Variants in NAA11 observed in about 807,000 individuals in gnomAD.
NAA11 encodes N-alpha-acetyltransferase 11.
In NAA11, 15 loss-of-function variants were observed where a neutral mutation model predicts 16.1. The observed-to-expected ratio is 0.93, with a 90% CI of 0.62 to 1.44. The LOEUF is 1.44. Ranked by LOEUF, NAA11 falls within the 40% of genes most tolerant of loss-of-function variation. NAA11 has a pLI of 0.00. For missense variants in NAA11, 298 were observed against 291.3 expected, an observed-to-expected ratio of 1.02 and a Z score of -0.17; for synonymous variants, 122 against 112.4, an observed-to-expected ratio of 1.09 and a Z score of -0.54.
the NAA11 span, among the ~76,000 whole-genome samples, chr4:79,203,323 C>A: frequency 6.6e-6 from 1 of 151,742 alleles, no homozygotes; most frequent in Admixed American, 6.6e-5. Context: ...CTTGCACCTG[C>A]ATGCACACAT....
intron 2 of NAA11, among the ~76,000 whole-genome samples, chr4:79,239,126 G>T (rs1019345342): frequency 1.3e-5 from 2 of 152,178 alleles, no homozygotes; most frequent in Non-Finnish European, 2.9e-5. Flanking sequence ...TCCATTGAGC[G>T]AGTTGGCAAG....
chr4:79,259,721 C>T (rs2109973310), intron 2 of NAA11, among the ~76,000 whole-genome samples: 1 of 152,348 alleles, frequency 6.6e-6, no homozygotes, highest in Non-Finnish European at 1.5e-5. Context: ...CTTATAATGA[C>T]TTTCTGTAAA....
intron 2 of NAA11, among the ~76,000 whole-genome samples, chr4:79,235,565 T>C (rs1721553317): frequency 6.6e-6 from 1 of 152,202 alleles, no homozygotes; most frequent in African/African-American, 2.4e-5. Flanking sequence ...GAAAGAATGA[T>C]GCTTTCCTGT....
the NAA11 span, among the ~76,000 whole-genome samples, chr4:79,173,976 G>A: frequency 2.0e-5 from 3 of 152,194 alleles, no homozygotes; most frequent in East Asian, 5.8e-4. Context: ...AACAATTAGA[G>A]GAGGAAGGAA....
the NAA11 span, among the ~76,000 whole-genome samples, chr4:79,187,360 C>A: frequency 6.6e-6 from 1 of 152,086 alleles, no homozygotes; most frequent in Admixed American, 6.5e-5. Flanking sequence ...GGGCTGGAGT[C>A]ATTTATTTAA....
the NAA11 span, among the ~76,000 whole-genome samples, chr4:79,217,225 G>C: frequency 1.3e-5 from 2 of 152,156 alleles, no homozygotes; most frequent in Non-Finnish European, 1.5e-5. Context: ...AGATCAACTT[G>C]TCTGTGTTCT....
the NAA11 span, among the ~76,000 whole-genome samples, chr4:79,183,202 GATGA>G: frequency 1.3e-5 from 2 of 152,058 alleles, no homozygotes; most frequent in Admixed American, 1.3e-4. Flanking sequence ...AGGTTACTAG[GATGA>G]ATAATATAAC....
chr4:79,204,995 G>T, the NAA11 span, among the ~76,000 whole-genome samples: 3 of 148,146 alleles, frequency 2.0e-5, no homozygotes, highest in African/African-American at 4.9e-5. Flanking sequence ...TGTATATAAA[G>T]AAATTGCATA....
At chr4:79,242,101 A>G (rs576239926) in intron 2 of NAA11, among the ~76,000 whole-genome samples, 1 of 152,300 alleles carries the variant, frequency 6.6e-6, no homozygotes, top group Non-Finnish European at 1.5e-5. Context: ...GGCATCTAGT[A>G]GTACTCATCC....
the NAA11 span, among the ~76,000 whole-genome samples, chr4:79,220,427 G>A: frequency 7.1e-5 from 10 of 141,078 alleles, no homozygotes; most frequent in African/African-American, 1.2e-4. Flanking sequence ...GTTTGTGTGC[G>A]TGTGTGTGTC....
downstream of NAA11, among the ~76,000 whole-genome samples, chr4:79,222,591 C>G (rs1721215412): frequency 6.7e-6 from 1 of 148,434 alleles, no homozygotes; most frequent in Non-Finnish European, 1.5e-5. Flanking sequence ...TGGGCAAGGA[C>G]TTCATGTCTA....
At chr4:79,238,522 G>T (rs552815130) in intron 2 of NAA11, among the ~76,000 whole-genome samples, 7 of 152,166 alleles carry the variant, frequency 4.6e-5, no homozygotes, top group African/African-American at 1.7e-4. Context: ...TTAAAAAATT[G>T]CCTAGAATAT....
intron 2 of NAA11, among the ~76,000 whole-genome samples, chr4:79,262,728 T>C (rs575048503): frequency 3.2e-4 from 48 of 152,302 alleles, no homozygotes; most frequent in Non-Finnish European, 4.4e-4. Flanking sequence ...AAACTCTATT[T>C]GTTTAGTTTT....
chr4:79,277,025 C>G (rs1291739549), intron 2 of NAA11, among the ~76,000 whole-genome samples: 4 of 152,108 alleles, frequency 2.6e-5, no homozygotes, highest in Non-Finnish European at 5.9e-5. Context: ...AATAGGATAG[C>G]CTTAGACATG....
rs1290268458 is a variant in NAA11 at position 79,325,472 on chromosome 4, T to C, written c.406A>G (p.Lys136Glu). 1 of 1,614,190 alleles carries C rather than the reference T, an allele frequency of 6.2e-7. No individual in the cohort carries two copies. Among genetic ancestry groups the C allele is most frequent in the African/African-American group, 1.3e-5 (1 of 75,036 alleles). ...GCATCTTCCCCATCTGCATAGTATT[T>C]AGGTTCCACCTCACTAATCTGAAAG... Reference protein sequence around the residue: ...LNFQISEVEPKYYADGEDAYA... With the variant: ...LNFQISEVEPEYYADGEDAYA... Residue 136 changes from lysine (K) to glutamate (E), a missense_variant, in exon 1 of 2, where the codon AAA (lysine) becomes GAA (glutamate). Coordinates refer to ENST00000286794, the MANE Select transcript of NAA11 (RefSeq NM_032693.3).
At chr4:79,156,915 G>A in the NAA11 span, among the ~76,000 whole-genome samples, 1 of 152,076 alleles carries the variant, frequency 6.6e-6, no homozygotes, top group Non-Finnish European at 1.5e-5. Context: ...GAAATAAATG[G>A]CTCAGAATTA....
At chr4:79,279,962 A>C (rs1271592919) in intron 2 of NAA11, among the ~76,000 whole-genome samples, 3 of 152,072 alleles carry the variant, frequency 2.0e-5, no homozygotes, top group African/African-American at 4.8e-5. Context: ...ATTTCCCCTC[A>C]GATAACCAGT....
chr4:79,169,950 T>A, the NAA11 span, among the ~76,000 whole-genome samples: 6 of 152,226 alleles, frequency 3.9e-5, no homozygotes. Flanking sequence ...CGTGGCAGAC[T>A]GTATTTTCAG....
chr4:79,305,192 T>C (rs935650050), intron 1 of NAA11: 1 of 152,206 alleles, frequency 6.6e-6, no homozygotes, highest in Non-Finnish European at 1.5e-5. Flanking sequence ...GGTTAGGCCA[T>C]AGATAGACTT....
Sources: allele counts gnomAD v4.1 joint callset (sites outside exome capture counted in the v4.1 genomes callset), GRCh38; gene constraint gnomAD v4.1.1; transcripts MANE v1.5; gene names NCBI Gene and HGNC (gene_info 2026-07-23, HGNC 2026-07-21).